Variants in DNAJC1 observed in about 807,000 individuals in gnomAD.
DNAJC1 encodes DnaJ heat shock protein family (Hsp40) member C1.
DNAJC1 carries 58 observed loss-of-function variants against 76.6 expected under a neutral mutation model. The ratio of observed to expected loss-of-function variants is 0.76; its 90% CI spans 0.61 to 0.94. The LOEUF (loss-of-function observed/expected upper bound fraction) is 0.94. Among genes scored for constraint, DNAJC1 ranks in the 40% least tolerant of loss-of-function variants. The pLI is 0.00. For synonymous variants in DNAJC1, 258 were observed against 267.9 expected (o/e 0.96, Z 0.36); for missense variants, 689 against 677.3 (o/e 1.02, Z -0.19).
chr10:21,939,499 G>T (rs2131794171), intron 1 of DNAJC1, among the ~76,000 whole-genome samples: 1 of 152,212 alleles, frequency 6.6e-6, no homozygotes, highest in Non-Finnish European at 1.5e-5. Flanking sequence ...ACCTATATAG[G>T]AGTACCATTT....
rs1331010088 is a variant in DNAJC1, at chr10:21,816,908, A to G, written c.979-10809T>C. ...GGTGGCTCACGCCTGTAACCCCAGC[A>G]CTTTGGGAGGCCGAGGTGGGTGGAT... On this transcript the variant is annotated intron_variant, in intron 8 of 11. Coordinates refer to ENST00000376980, the MANE Select transcript of DNAJC1 (RefSeq NM_022365.4). Among the ~76,000 whole-genome samples the G allele has an allele frequency of 4.9e-5, 7 of 143,160 alleles. No homozygotes were observed. In the East Asian group the frequency reaches 1.6e-3, roughly 32 times the overall value. The allele number at this position is 143,160 out of a possible 152,430, so 93.9% of individuals were successfully genotyped here.
chr10:21,898,594 C>T (rs1836586525), intron 7 of DNAJC1, among the ~76,000 whole-genome samples: 1 of 150,290 alleles, frequency 6.7e-6, no homozygotes, highest in African/African-American at 2.5e-5. Context: ...CTCTTGTTGC[C>T]CAGGCTGGAG....
At chr10:21,791,980 T>C (rs948796688) in intron 9 of DNAJC1, among the ~76,000 whole-genome samples, 1 of 152,120 alleles carries the variant, frequency 6.6e-6, no homozygotes, top group Non-Finnish European at 1.5e-5. Flanking sequence ...TAGCTTAGCG[T>C]AACCAAAAGA....
chr10:21,912,676 T>C (rs1836883324), intron 6 of DNAJC1, among the ~76,000 whole-genome samples: 1 of 152,150 alleles, frequency 6.6e-6, no homozygotes, highest in Admixed American at 6.5e-5. Context: ...AGCTGCCTCA[T>C]CCCTTGGAAA....
At chr10:21,927,789 T>C (rs1441793039) in intron 3 of DNAJC1, among the ~76,000 whole-genome samples, 1 of 152,166 alleles carries the variant, frequency 6.6e-6, no homozygotes, top group Non-Finnish European at 1.5e-5. Flanking sequence ...ATACATTCTG[T>C]AGGAGTAGAG....
chr10:21,927,982 G>A (rs139428888), intron 3 of DNAJC1, among the ~76,000 whole-genome samples: 4 of 152,198 alleles, frequency 2.6e-5, no homozygotes, highest in African/African-American at 9.6e-5. Context: ...GGAGGCAAAA[G>A]AAATAGATGC....
chr10:21,765,742 G>T (rs1270940411), intron 10 of DNAJC1, among the ~76,000 whole-genome samples: 1 of 152,174 alleles, frequency 6.6e-6, no homozygotes, highest in African/African-American at 2.4e-5. Flanking sequence ...CTACTCGGGG[G>T]CTGAGGCAGG....
intron 1 of DNAJC1, chr10:21,933,121 AATT>A (rs1429640172): frequency 6.6e-6 from 1 of 152,268 alleles, no homozygotes; most frequent in East Asian, 1.9e-4. Context: ...AGCTAAGGTT[AATT>A]GATTATCAAA....
chr10:22,003,401 G>A lies in DNAJC1; in HGVS notation c.34C>T (p.Pro12Ser). The change falls in exon 1 of 12, where the codon CCT becomes TCT. Residue 12 changes from proline to serine, a missense_variant. Pro to Ser is a moderately conservative substitution (Grantham distance 74). Coordinates refer to ENST00000376980, the MANE Select transcript of DNAJC1 (RefSeq NM_022365.4). ...TAPCSQPAQLPGRRQLGLVPF... is the reference protein window; with the variant it reads ...TAPCSQPAQLSGRRQLGLVPF... ...ACCAGCCCGAGCTGGCGGCGTCCAG[G>A]AAGCTGCGCCGGCTGGGAGCAAGGA... is the stretch of plus-strand genomic sequence containing the variant. 1 of 1,375,280 alleles carries A rather than the reference G, an allele frequency of 7.3e-7. No homozygotes were observed. The highest frequency in any genetic ancestry group is 9.4e-7 in the Non-Finnish European group (1 of 1,066,396). The allele number at this position is 1,375,280 out of a possible 1,614,324, so 85.2% of individuals were successfully genotyped here. A position where few individuals can be genotyped will look rare whatever the true frequency, so the allele number is the denominator to read the frequency against.
intron 9 of DNAJC1, among the ~76,000 whole-genome samples, chr10:21,771,413 G>A (rs1834375633): frequency 3.9e-5 from 6 of 152,124 alleles, no homozygotes; most frequent in Admixed American, 3.9e-4. Context: ...TGGGTTTTTA[G>A]TATGGTCTTT....
At chr10:21,943,898 G>A (rs574459146) in intron 1 of DNAJC1, among the ~76,000 whole-genome samples, 73 of 150,398 alleles carry the variant, frequency 4.9e-4, no homozygotes, top group Admixed American at 1.5e-3. Flanking sequence ...TCAAATCCAT[G>A]CCACATCAGC....
At chr10:21,803,830 T>A in intron 9 of DNAJC1, 2 of 966,266 alleles carry the variant, frequency 2.1e-6, no homozygotes, top group Non-Finnish European at 1.2e-6. Flanking sequence ...CCAAGGTACC[T>A]TTGTTATTAT....
intron 8 of DNAJC1, among the ~76,000 whole-genome samples, chr10:21,876,210 A>T (rs1177858329): frequency 6.6e-6 from 1 of 151,548 alleles, no homozygotes; most frequent in Non-Finnish European, 1.5e-5. Flanking sequence ...TCCTGGGTTC[A>T]AGAGATTCTC....
intron 7 of DNAJC1, among the ~76,000 whole-genome samples, chr10:21,893,332 T>C (rs1364799473): frequency 6.6e-6 from 1 of 152,010 alleles, no homozygotes; most frequent in Non-Finnish European, 1.5e-5. Flanking sequence ...AATAAAAATA[T>C]ATCAAAATAT....
At chr10:21,876,244 G>C (rs983688738) in intron 8 of DNAJC1, among the ~76,000 whole-genome samples, 2 of 151,770 alleles carry the variant, frequency 1.3e-5, no homozygotes, top group African/African-American at 4.8e-5. Flanking sequence ...CCGAGTAGCT[G>C]GGATCACAGG....
At chr10:21,824,700 C>T (rs1835218874) in intron 8 of DNAJC1, among the ~76,000 whole-genome samples, 1 of 152,140 alleles carries the variant, frequency 6.6e-6, no homozygotes, top group African/African-American at 2.4e-5. Flanking sequence ...CAAACCTGCC[C>T]TTATTCTTTT....
chr10:21,934,099 T>G (rs552411291), intron 1 of DNAJC1, among the ~76,000 whole-genome samples: 1 of 152,214 alleles, frequency 6.6e-6, no homozygotes, highest in Admixed American at 6.5e-5. Flanking sequence ...GTTCCATGCA[T>G]GTTACTGACC....
chr10:21,774,560 C>T (rs777537800), intron 9 of DNAJC1, among the ~76,000 whole-genome samples: 1 of 152,164 alleles, frequency 6.6e-6, no homozygotes, highest in Non-Finnish European at 1.5e-5. Context: ...CTACAAGCTC[C>T]GCCTCCTGGG....
Position 21,852,683 on chromosome 10 carries a change from C to T in DNAJC1, c.978+29599G>A, listed in dbSNP as rs76574715. Among the ~76,000 whole-genome samples the T allele has an allele frequency of 5.7e-3, 864 of 151,684 alleles. 6 individuals carry two copies. The highest frequency in any genetic ancestry group is 0.019 in the African/African-American group (805 of 41,368). ...ACTGGCAACATTTACCAGACGTAAA[C>T]CATATGCATACCAAGCATAATGCTT... On this transcript the variant is annotated intron_variant, in intron 8 of 11. Transcript: ENST00000376980.
Sources: allele counts gnomAD v4.1 joint callset (sites outside exome capture counted in the v4.1 genomes callset), GRCh38; gene constraint gnomAD v4.1.1; transcripts MANE v1.5; gene names NCBI Gene and HGNC (gene_info 2026-07-23, HGNC 2026-07-21).